CENPK: variants seen among roughly 807,000 people sequenced by gnomAD.
CENPK encodes SoxLZ/Sox6-binding protein Solt.
Under a neutral mutation model 40.9 loss-of-function variants are expected in CENPK, and 46 were observed. The ratio of observed to expected loss-of-function variants is 1.13; its 90% CI spans 0.89 to 1.44. CENPK has a LOEUF of 1.44. Among genes scored for constraint, CENPK ranks in the 40% most tolerant of loss-of-function variants. The pLI, the probability that CENPK is intolerant of heterozygous loss-of-function variation, is 0.00. For missense variants in CENPK, 288 were observed against 303.5 expected (o/e 0.95, Z 0.38); for synonymous variants, 107 against 104.4 (o/e 1.02, Z -0.15).
intron 5 of CENPK, chr5:65,551,280 T>G (rs1331602770): frequency 1.4e-5 from 4 of 282,302 alleles, no homozygotes; most frequent in Non-Finnish European, 2.6e-5. Flanking sequence ...AAAGGAACAA[T>G]TTACCATTTC....
chr5:65,501,666 A>G, the CENPK span, among the ~76,000 whole-genome samples: 1 of 152,152 alleles, frequency 6.6e-6, no homozygotes, highest in Admixed American at 6.5e-5. Context: ...GCACAGTCTC[A>G]TCACTACCAG....
At chr5:65,519,800 A>G (rs1382143555) in intron 10 of CENPK, among the ~76,000 whole-genome samples, 2 of 152,216 alleles carry the variant, frequency 1.3e-5, no homozygotes, top group African/African-American at 4.8e-5. Context: ...TTTGAGTATC[A>G]TAATATAGAA....
chr5:65,498,843 G>C, the CENPK span, among the ~76,000 whole-genome samples: 1 of 151,778 alleles, frequency 6.6e-6, no homozygotes, highest in Admixed American at 6.6e-5. Flanking sequence ...TGTAGAGACA[G>C]AGTCTCGCCA....
At chr5:65,521,607 C>T in intron 9 of CENPK, 79 bp from the exon 10 acceptor site, 2 of 972,990 alleles carry the variant, frequency 2.1e-6, no homozygotes, top group Non-Finnish European at 3.2e-6. Context: ...TTTTATAAGA[C>T]TTTTATTTCT....
chr5:65,501,038 C>T, the CENPK span, among the ~76,000 whole-genome samples: 2 of 152,076 alleles, frequency 1.3e-5, no homozygotes, highest in African/African-American at 2.4e-5. Context: ...CTATTGAGCC[C>T]ATCACTGAAT....
intron 5 of CENPK, among the ~76,000 whole-genome samples, chr5:65,547,886 G>C (rs553188674): frequency 6.6e-6 from 1 of 152,056 alleles, no homozygotes. Context: ...GGATGGTCTC[G>C]ATCTCCTGAC....
the CENPK span, among the ~76,000 whole-genome samples, chr5:65,509,471 C>T: frequency 6.6e-6 from 1 of 152,182 alleles, no homozygotes; most frequent in Non-Finnish European, 1.5e-5. Flanking sequence ...AGCTTCATCG[C>T]TCCAAATATT....
intron 6 of CENPK, among the ~76,000 whole-genome samples, 159 bp downstream of exon 6, chr5:65,542,643 A>G (rs1748177694): frequency 6.6e-6 from 1 of 152,160 alleles, no homozygotes; most frequent in Non-Finnish European, 1.5e-5. Flanking sequence ...TTTCCAAAAA[A>G]AAAAAATCAA....
intron 6 of CENPK, among the ~76,000 whole-genome samples, chr5:65,530,433 TTA>T (rs1745578996): frequency 6.6e-6 from 1 of 152,188 alleles, no homozygotes; most frequent in Admixed American, 6.5e-5. Flanking sequence ...AAGGAAAACA[TTA>T]TGTTACTCTC....
chr5:65,544,202 T>C (rs1748492572), intron 5 of CENPK, among the ~76,000 whole-genome samples: 1 of 152,142 alleles, frequency 6.6e-6, no homozygotes, highest in African/African-American at 2.4e-5. Flanking sequence ...TGTCCTCACA[T>C]AGTGGAAGGC....
At chr5:65,497,165 C>A in the CENPK span, among the ~76,000 whole-genome samples, 1 of 151,976 alleles carries the variant, frequency 6.6e-6, no homozygotes, top group African/African-American at 2.4e-5. Flanking sequence ...GTCAGGAGTT[C>A]AAGACCAGCC....
At chr5:65,541,192 G>A (rs1672442949) in intron 6 of CENPK, among the ~76,000 whole-genome samples, 1 of 152,120 alleles carries the variant, frequency 6.6e-6, no homozygotes, top group South Asian at 2.1e-4. Context: ...AGTTCTGTGA[G>A]CTGCTCTGGC....
At chr5:65,546,498 T>A (rs901413996) in intron 5 of CENPK, among the ~76,000 whole-genome samples, 1 of 152,244 alleles carries the variant, frequency 6.6e-6, no homozygotes, top group Non-Finnish European at 1.5e-5. Context: ...GAGTTTGATA[T>A]TGCAGAGAAG....
At chr5:65,495,767 A>T in the CENPK span, among the ~76,000 whole-genome samples, 3 of 152,210 alleles carry the variant, frequency 2.0e-5, no homozygotes. Context: ...ACAGCCAGTA[A>T]TCTATGAAAA....
intron 2 of CENPK, among the ~76,000 whole-genome samples, chr5:65,557,253 A>G (rs982071632): frequency 3.3e-5 from 5 of 152,236 alleles, no homozygotes; most frequent in Admixed American, 6.5e-5. Context: ...TTGACAATTT[A>G]TTTAGTAATA....
chr5:65,522,698 G>A (rs1312634204), intron 9 of CENPK, among the ~76,000 whole-genome samples: 1 of 152,128 alleles, frequency 6.6e-6, no homozygotes, highest in Non-Finnish European at 1.5e-5. Flanking sequence ...CCTAAAGTGC[G>A]GGATTACAGG....
At chr5:65,503,404 C>G in the CENPK span, among the ~76,000 whole-genome samples, 1 of 152,010 alleles carries the variant, frequency 6.6e-6, no homozygotes, top group Non-Finnish European at 1.5e-5. Flanking sequence ...TTATGTCCGG[C>G]CTATAATTTT....
In CENPK at chr5:65,518,584, AT is replaced by A. The variant is rs1743131212; in HGVS notation, c.700del (p.Ile234LeufsTer20). 6.2e-7 allele frequency: 1 copy of A among 1,603,698 alleles called. No homozygotes were observed. The highest frequency in any genetic ancestry group is 1.3e-5 in the African/African-American group (1 of 74,714). On this transcript the variant is annotated frameshift_variant, in exon 11 of 11. Transcript: ENST00000396679. LOFTEE classifies it high-confidence loss of function. ...FDVPHDPYVK[I>X]SDSFWPPYVE... ...ATAAGGTGGCCAAAAGGAATCACTA[AT>A]TTTGACATATGGATCATGTGGAACA...
At position 65,561,559 on chromosome 5, in the gene CENPK, C is replaced by T. The variant is rs757254302; in HGVS notation, c.-136G>A. 1 of 453,442 alleles carries T rather than the reference C, an allele frequency of 2.2e-6. No individual in the cohort carries two copies. Among genetic ancestry groups the T allele is most frequent in the South Asian group, 1.6e-5 (1 of 64,346 alleles). The allele number at this position is 453,442 out of a possible 1,614,324, so 28.1% of individuals were successfully genotyped here. On this transcript the variant is annotated 5_prime_UTR_variant, in exon 2 of 11. It removes the in-frame stop codon of an upstream open reading frame in the 5' UTR. Coordinates refer to ENST00000396679, the MANE Select transcript of CENPK (RefSeq NM_022145.5). The stretch of plus-strand genomic sequence containing the variant: ...CACCCAGATCTTGAATCTCCAGCCT[C>T]TAGACCTGTGAGAAATAAATTTCAG...
Sources: allele counts gnomAD v4.1 joint callset (sites outside exome capture counted in the v4.1 genomes callset), GRCh38; gene constraint gnomAD v4.1.1; transcripts MANE v1.5; gene names NCBI Gene and HGNC (gene_info 2026-07-23, HGNC 2026-07-21).